CADM2: variants seen among roughly 807,000 people sequenced by gnomAD.
CADM2 encodes the protein cell adhesion molecule 2.
CADM2 carries 12 observed loss-of-function variants against 49.8 expected under a neutral mutation model. That is an observed-to-expected ratio of 0.24 (90% CI 0.15 to 0.39). CADM2 has a LOEUF of 0.39. Ranked by LOEUF, CADM2 falls within the 10% of genes least tolerant of loss-of-function variation. The pLI is 1.00. For synonymous variants in CADM2, 214 were observed against 175.4 expected (o/e 1.22, Z -1.74); for missense variants, 378 against 492.3 (o/e 0.77, Z 2.20).
chr3:85,152,307 A>C (rs2039947601), intron 1 of CADM2, among the ~76,000 whole-genome samples: 1 of 152,122 alleles, frequency 6.6e-6, no homozygotes, highest in Non-Finnish European at 1.5e-5. Flanking sequence ...GGGTGAGTGT[A>C]CTGGGCCAGT....
At chr3:85,696,997 G>A (rs1023149378) in intron 1 of CADM2, among the ~76,000 whole-genome samples, 4 of 151,128 alleles carry the variant, frequency 2.6e-5, no homozygotes, top group Non-Finnish European at 5.9e-5. Context: ...TATATTACAA[G>A]TTGGATGTTT....
At chr3:85,361,643 C>T (rs2032368892) in intron 1 of CADM2, among the ~76,000 whole-genome samples, 1 of 152,104 alleles carries the variant, frequency 6.6e-6, no homozygotes, top group Non-Finnish European at 1.5e-5. Flanking sequence ...TGGCTTTCTG[C>T]CATCTAGGAT....
intron 1 of CADM2, among the ~76,000 whole-genome samples, chr3:85,504,323 G>A (rs1322576232): frequency 3.9e-5 from 6 of 152,070 alleles, no homozygotes; most frequent in Non-Finnish European, 7.4e-5. Flanking sequence ...AGACCTTCGC[G>A]GTGTTACAGC....
At chr3:85,573,408 T>A (rs139809892) in intron 1 of CADM2, among the ~76,000 whole-genome samples, 1,695 of 152,048 alleles carry the variant, frequency 0.011, 34 homozygotes, top group African/African-American at 0.038. Flanking sequence ...GCCAGGCTGG[T>A]CTCAAACTTC....
intron 1 of CADM2, among the ~76,000 whole-genome samples, chr3:85,021,317 C>T (rs1217759527): frequency 1.3e-5 from 2 of 152,064 alleles, no homozygotes; most frequent in African/African-American, 4.8e-5. Flanking sequence ...TTTGATACAT[C>T]AACGAACAAA....
chr3:85,856,392 G>A (rs1449966724), intron 3 of CADM2, among the ~76,000 whole-genome samples: 3 of 152,014 alleles, frequency 2.0e-5, no homozygotes, highest in South Asian at 4.1e-4. Flanking sequence ...CGGATCTATT[G>A]GATTTTGGCC....
At chr3:85,286,916 A>T (rs1390106732) in intron 1 of CADM2, among the ~76,000 whole-genome samples, 1 of 152,162 alleles carries the variant, frequency 6.6e-6, no homozygotes, top group African/African-American at 2.4e-5. Flanking sequence ...ATTCAATATC[A>T]GTAATTTGAT....
At chr3:85,558,820 T>A (rs1014855995) in intron 1 of CADM2, among the ~76,000 whole-genome samples, 7 of 152,086 alleles carry the variant, frequency 4.6e-5, no homozygotes, top group Admixed American at 3.9e-4. Context: ...CATTTGGAAG[T>A]CTTACAGGCA....
At chr3:85,467,921 G>A (rs1320190759) in intron 1 of CADM2, among the ~76,000 whole-genome samples, 1 of 151,966 alleles carries the variant, frequency 6.6e-6, no homozygotes, top group African/African-American at 2.4e-5. Flanking sequence ...TTGGGAGGCC[G>A]AGGCGGGCGG....
chr3:85,550,712 A>T (rs1392775585), intron 1 of CADM2, among the ~76,000 whole-genome samples: 1 of 152,090 alleles, frequency 6.6e-6, no homozygotes, highest in Non-Finnish European at 1.5e-5. Context: ...TGTTTCCATT[A>T]CTCTGTATCA....
intron 1 of CADM2, among the ~76,000 whole-genome samples, chr3:85,089,281 A>G (rs573489393): frequency 6.6e-6 from 1 of 152,096 alleles, no homozygotes; most frequent in South Asian, 2.1e-4. Flanking sequence ...AAATTTTGGC[A>G]TTAAATTCAC....
chr3:85,359,637 CATATATAT>C (rs1191509964), intron 1 of CADM2, among the ~76,000 whole-genome samples: 1 of 34,270 alleles, frequency 2.9e-5, no homozygotes, highest in African/African-American at 1.0e-4. Context: ...CCAATGTCAG[CATATATAT>C]ATATATATAT....
intron 1 of CADM2, among the ~76,000 whole-genome samples, chr3:85,582,545 A>G (rs73139818): frequency 0.2 from 30,271 of 152,136 alleles, 3,799 homozygotes; most frequent in East Asian, 0.3. Context: ...TTCCTGGCTT[A>G]TAAACAACTG....
chr3:84,998,380 C>T (rs1402604124), intron 1 of CADM2, among the ~76,000 whole-genome samples: 3 of 152,058 alleles, frequency 2.0e-5, no homozygotes, highest in Admixed American at 6.6e-5. Flanking sequence ...GCAAGTAATT[C>T]CCATCCAATT....
At chr3:85,513,992 C>T (rs902717678) in intron 1 of CADM2, among the ~76,000 whole-genome samples, 8 of 152,010 alleles carry the variant, frequency 5.3e-5, no homozygotes, top group African/African-American at 1.4e-4. Flanking sequence ...AAACAAATGT[C>T]TATAGACTGG....
intron 1 of CADM2, among the ~76,000 whole-genome samples, chr3:85,514,888 T>C (rs1348275503): frequency 6.6e-6 from 1 of 152,164 alleles, no homozygotes; most frequent in Non-Finnish European, 1.5e-5. Context: ...AGCATAGACA[T>C]GATTAATTCA....
intron 1 of CADM2, among the ~76,000 whole-genome samples, chr3:85,273,473 A>G (rs1053585546): frequency 6.6e-6 from 1 of 151,378 alleles, no homozygotes; most frequent in Admixed American, 6.6e-5. Context: ...GCATAATTGC[A>G]GTGGAGGCAT....
chr3:85,227,581 C>G (rs924038389), intron 1 of CADM2, among the ~76,000 whole-genome samples: 1 of 151,386 alleles, frequency 6.6e-6, no homozygotes, highest in African/African-American at 2.4e-5. Context: ...GGTCTTGACT[C>G]TTTATCCAGT....
At chr3:85,683,773 C>A (rs1425724130) in intron 1 of CADM2, among the ~76,000 whole-genome samples, 3 of 152,148 alleles carry the variant, frequency 2.0e-5, no homozygotes, top group Admixed American at 6.5e-5. Context: ...GAAAACAGTG[C>A]AAACAGTGGA....
Sources: gnomAD v4.1 joint callset for allele counts (sites outside exome capture counted in the v4.1 genomes callset) on GRCh38, gnomAD v4.1.1 for gene constraint, MANE v1.5 for transcripts, NCBI Gene and HGNC (gene_info 2026-07-23, HGNC 2026-07-21) for gene names.